BTBD9: variants seen among roughly 807,000 people sequenced by gnomAD.
The protein encoded by BTBD9 is BTB domain containing 9.
A neutral mutation model predicts 64.3 loss-of-function variants in BTBD9; 49 were observed. The ratio of observed to expected loss-of-function variants is 0.76; its 90% CI spans 0.61 to 0.97. BTBD9 has a LOEUF of 0.97. Among genes scored for constraint, BTBD9 ranks in the 50% least tolerant of loss-of-function variants. The probability of loss-of-function intolerance (pLI) is 0.00; values close to 1 mark genes in which losing one functional copy is unlikely to be tolerated. For missense variants in BTBD9, 598 were observed against 762.1 expected (o/e 0.78, Z 2.53); for synonymous variants, 260 against 274.7 (o/e 0.95, Z 0.53).
chr6:38,316,395 T>C (rs1763030085), intron 7 of BTBD9, among the ~76,000 whole-genome samples: 1 of 152,162 alleles, frequency 6.6e-6, no homozygotes, highest in Non-Finnish European at 1.5e-5. Flanking sequence ...CTGTCATCTT[T>C]TTAGTGAAGG....
chr6:38,298,993 C>T (rs529329552), intron 7 of BTBD9, among the ~76,000 whole-genome samples: 2 of 152,224 alleles, frequency 1.3e-5, no homozygotes, highest in Admixed American at 6.5e-5. Flanking sequence ...CCTCCGAATG[C>T]TATCCCTCTC....
At chr6:38,564,162 C>A (rs569623325) in intron 6 of BTBD9, among the ~76,000 whole-genome samples, 5 of 152,200 alleles carry the variant, frequency 3.3e-5, no homozygotes, top group Non-Finnish European at 7.4e-5. Flanking sequence ...CCAGTTTAAA[C>A]TGTATTCGTG....
At chr6:38,346,923 C>T (rs1360154791) in intron 6 of BTBD9, among the ~76,000 whole-genome samples, 1 of 152,204 alleles carries the variant, frequency 6.6e-6, no homozygotes, top group African/African-American at 2.4e-5. Flanking sequence ...TCGCTATTCT[C>T]TAGCTCAAGT....
intron 1 of BTBD9, among the ~76,000 whole-genome samples, chr6:38,600,573 C>G (rs1026262778): frequency 6.6e-6 from 1 of 151,854 alleles, no homozygotes; most frequent in Non-Finnish European, 1.5e-5. Flanking sequence ...TTTCAATGAT[C>G]GTGCATGATT....
intron 10 of BTBD9, among the ~76,000 whole-genome samples, chr6:38,177,428 C>CTTCTACT (rs1276191929): frequency 6.6e-6 from 1 of 152,330 alleles, no homozygotes; most frequent in East Asian, 1.9e-4. Flanking sequence ...CTGTCAGCTC[C>CTTCTACT]GATCTGACTC....
intron 1 of BTBD9, among the ~76,000 whole-genome samples, chr6:38,606,295 A>G (rs1777431024): frequency 6.6e-6 from 1 of 152,130 alleles, no homozygotes; most frequent in Non-Finnish European, 1.5e-5. Flanking sequence ...TCCCCTTCAT[A>G]TATACATCTA....
At chr6:38,447,705 G>A (rs11969126) in intron 6 of BTBD9, among the ~76,000 whole-genome samples, 2,725 of 152,176 alleles carry the variant, frequency 0.018, 73 homozygotes, top group African/African-American at 0.062. Flanking sequence ...TGCCTGCCTC[G>A]GGAAGAAGAA....
At chr6:38,541,601 G>A (rs1774280973) in intron 6 of BTBD9, among the ~76,000 whole-genome samples, 1 of 152,182 alleles carries the variant, frequency 6.6e-6, no homozygotes, top group South Asian at 2.1e-4. Flanking sequence ...AGCCGGGCAT[G>A]GTGGCACGTG....
intron 6 of BTBD9, among the ~76,000 whole-genome samples, chr6:38,444,447 C>T (rs1769180613): frequency 6.6e-6 from 1 of 152,158 alleles, no homozygotes; most frequent in Non-Finnish European, 1.5e-5. Flanking sequence ...TGGAGTCTTT[C>T]TTATAGCATA....
intron 9 of BTBD9, among the ~76,000 whole-genome samples, chr6:38,231,112 T>C (rs1763591203): frequency 6.6e-6 from 1 of 152,212 alleles, no homozygotes; most frequent in African/African-American, 2.4e-5. Flanking sequence ...AATTATAGAA[T>C]TGGGAGAAAT....
intron 8 of BTBD9, among the ~76,000 whole-genome samples, chr6:38,278,191 T>C (rs1365387958): frequency 1.3e-5 from 2 of 152,148 alleles, no homozygotes; most frequent in African/African-American, 4.8e-5. Flanking sequence ...TGGGGCAAAA[T>C]ACACATGGAA....
At chr6:38,284,107 T>A (rs568303169) in intron 8 of BTBD9, among the ~76,000 whole-genome samples, 1 of 152,136 alleles carries the variant, frequency 6.6e-6, no homozygotes, top group Non-Finnish European at 1.5e-5. Context: ...CCTGACAACA[T>A]AATGTTAGTT....
At chr6:38,284,738 C>A (rs888985234) in intron 8 of BTBD9, among the ~76,000 whole-genome samples, 1 of 152,044 alleles carries the variant, frequency 6.6e-6, no homozygotes, top group African/African-American at 2.4e-5. Context: ...TATGGGATTA[C>A]TGAAGAGGGA....
intron 7 of BTBD9, among the ~76,000 whole-genome samples, chr6:38,290,820 G>GA (rs1052197629): frequency 2.6e-5 from 4 of 152,078 alleles, no homozygotes; most frequent in Admixed American, 6.6e-5. Context: ...GCTCCAGGGA[G>GA]AAAAAATGGG....
chr6:38,338,467 G>A (rs1172324446), intron 7 of BTBD9, among the ~76,000 whole-genome samples: 2 of 152,104 alleles, frequency 1.3e-5, no homozygotes, highest in Non-Finnish European at 2.9e-5. Flanking sequence ...AGTCTTCCTG[G>A]ATCCATGCTG....
At chr6:38,572,489 T>C (rs768931864) in intron 6 of BTBD9, among the ~76,000 whole-genome samples, 26 of 152,074 alleles carry the variant, frequency 1.7e-4, no homozygotes, top group Non-Finnish European at 3.1e-4. Flanking sequence ...CTTTTTTCTA[T>C]GACACATATG....
chr6:38,211,679 G>C (rs1214522010), intron 9 of BTBD9, among the ~76,000 whole-genome samples: 1 of 152,084 alleles, frequency 6.6e-6, no homozygotes, highest in Non-Finnish European at 1.5e-5. Context: ...AGGAGGTGGA[G>C]GTTGCAGTGA....
intron 1 of BTBD9, among the ~76,000 whole-genome samples, chr6:38,630,166 C>T (rs1358968658): frequency 1.1e-4 from 17 of 148,338 alleles, no homozygotes; most frequent in East Asian, 4.0e-4. Flanking sequence ...ATGGTGCCAC[C>T]GCACTCCTGG....
At chr6:38,563,870 C>T (rs1775357689) in intron 6 of BTBD9, among the ~76,000 whole-genome samples, 1 of 151,526 alleles carries the variant, frequency 6.6e-6, no homozygotes, top group South Asian at 2.1e-4. Context: ...CAAGCTCCGC[C>T]TCCCGGTTCC....
Sources: gnomAD v4.1 joint callset for allele counts (sites outside exome capture counted in the v4.1 genomes callset) on GRCh38, gnomAD v4.1.1 for gene constraint, MANE v1.5 for transcripts, NCBI Gene and HGNC (gene_info 2026-07-23, HGNC 2026-07-21) for gene names.